DPP8: variants seen among roughly 807,000 people sequenced by gnomAD.
DPP8 encodes DPP VIII.
DPP8 carries 31 observed loss-of-function variants against 107.5 expected under a neutral mutation model. The observed-to-expected ratio is 0.29, with a 90% CI of 0.22 to 0.39. The LOEUF (loss-of-function observed/expected upper bound fraction) is 0.39. Ranked by LOEUF, DPP8 falls within the 10% of genes least tolerant of loss-of-function variation. The pLI is 1.00. For synonymous variants in DPP8, 381 were observed against 356.6 expected, an observed-to-expected ratio of 1.07 and a Z score of -0.77; for missense variants, 842 against 1,076.1, an observed-to-expected ratio of 0.78 and a Z score of 3.04.
At chr15:65,485,197 C>G in intron 7 of DPP8, 37 bp from the exon 8 acceptor site, 1 of 1,442,704 alleles carries the variant, frequency 6.9e-7, no homozygotes, top group Non-Finnish European at 9.8e-7. Context: ...AATGTTTATC[C>G]AAAATTACTC....
intron 12 of DPP8, among the ~76,000 whole-genome samples, chr15:65,472,565 G>T (rs561522499): frequency 6.6e-6 from 1 of 152,148 alleles, no homozygotes; most frequent in African/African-American, 2.4e-5. Context: ...CTCCCAAAGG[G>T]CTGGATTACA....
At chr15:65,509,023 C>T (rs148411656) in intron 2 of DPP8, among the ~76,000 whole-genome samples, 232 of 152,244 alleles carry the variant, frequency 1.5e-3, no homozygotes, top group African/African-American at 5.4e-3. Context: ...ATGATAACTC[C>T]CATGCTAACC....
chr15:65,499,798 T>G (rs187395955), intron 4 of DPP8, among the ~76,000 whole-genome samples: 17 of 152,212 alleles, frequency 1.1e-4, no homozygotes, highest in Admixed American at 4.6e-4. Flanking sequence ...ACTCCTAGGC[T>G]CAAATGATCT....
chr15:65,501,173 G>A (rs2069197734), intron 3 of DPP8, among the ~76,000 whole-genome samples: 1 of 151,944 alleles, frequency 6.6e-6, no homozygotes, highest in Non-Finnish European at 1.5e-5. Context: ...CACCGCGCCT[G>A]GCGACTCTAC....
At chr15:65,503,551 C>T (rs2069514253) in intron 3 of DPP8, among the ~76,000 whole-genome samples, 1 of 152,066 alleles carries the variant, frequency 6.6e-6, no homozygotes, top group Non-Finnish European at 1.5e-5. Context: ...TGCGATTCTC[C>T]TGCCTCAGCC....
At chr15:65,456,763 C>T (rs1480765786) in intron 15 of DPP8, among the ~76,000 whole-genome samples, 5 of 152,294 alleles carry the variant, frequency 3.3e-5, no homozygotes, top group Non-Finnish European at 7.3e-5. Flanking sequence ...TGCTGCTTGG[C>T]TTCCTCCACT....
intron 3 of DPP8, among the ~76,000 whole-genome samples, chr15:65,501,945 C>T (rs536396266): frequency 1.3e-4 from 20 of 152,244 alleles, no homozygotes; most frequent in African/African-American, 4.8e-4. Context: ...GCTGGAGTGC[C>T]GTGGCGTGAT....
intron 5 of DPP8, among the ~76,000 whole-genome samples, chr15:65,494,140 T>G (rs2068324619): frequency 2.2e-5 from 2 of 92,300 alleles, no homozygotes; most frequent in Non-Finnish European, 4.4e-5. Context: ...TTCAAACCGG[T>G]TCTATATCCT....
intron 3 of DPP8, among the ~76,000 whole-genome samples, chr15:65,502,349 TC>T (rs1362092096): frequency 6.6e-6 from 1 of 151,960 alleles, no homozygotes; most frequent in African/African-American, 2.4e-5. Flanking sequence ...GATTTTCTTT[TC>T]CTACTTAAAA....
At chr15:65,492,570 G>A (rs1318321863) in intron 5 of DPP8, among the ~76,000 whole-genome samples, 2 of 151,970 alleles carry the variant, frequency 1.3e-5, no homozygotes, top group Non-Finnish European at 2.9e-5. Flanking sequence ...AGTCTAGTAG[G>A]CATTACATAT....
At chr15:65,510,064 G>A (rs1362701479) in intron 2 of DPP8, among the ~76,000 whole-genome samples, 1 of 151,942 alleles carries the variant, frequency 6.6e-6, no homozygotes, top group African/African-American at 2.4e-5. Flanking sequence ...AGTGGCTCAC[G>A]CCTGTAATCC....
rs755235936 is a variant in DPP8, at chr15:65,466,682, T to C, written c.1821A>G (p.Ser607=). The C allele has an allele frequency of 3.1e-6, 5 of 1,613,912 alleles. No individual in the cohort carries two copies. The African/African-American group carries it at 6.7e-5, about 22-fold the overall frequency. ...ATCAGGGGGAAAAAAGAATACCTGC[T>C]GAATCCAAAATGGTGGCCCAAAATT... ...TKEFWATILD[S]AGPLPDYTPP... Residue 607 remains serine, a synonymous_variant, in exon 14 of 20, where the codon TCA becomes TCG. Transcript: ENST00000300141.
At chr15:65,478,200 A>G (rs1275200464) in intron 11 of DPP8, among the ~76,000 whole-genome samples, 2 of 151,786 alleles carry the variant, frequency 1.3e-5, no homozygotes, top group African/African-American at 4.8e-5. Context: ...TGCAGATAGT[A>G]TAAGAAACAT....
intron 17 of DPP8, among the ~76,000 whole-genome samples, chr15:65,452,595 G>A (rs2064068931): frequency 6.6e-6 from 1 of 151,860 alleles, no homozygotes; most frequent in Middle Eastern, 3.2e-3. Context: ...TTATGGAAGT[G>A]GTCAGAATTT....
chr15:65,496,816 A>ATTT (rs1185461247), intron 5 of DPP8, among the ~76,000 whole-genome samples: 1 of 138,882 alleles, frequency 7.2e-6, no homozygotes, highest in Non-Finnish European at 1.6e-5. Context: ...ACATCCAGCT[A>ATTT]TTTTTTTTTT....
chr15:65,486,388 C>T (rs1207716768), intron 7 of DPP8, among the ~76,000 whole-genome samples: 2 of 133,842 alleles, frequency 1.5e-5, no homozygotes, highest in East Asian at 4.4e-4. Context: ...GGTGACAGAG[C>T]AAAAAAAAAA....
In DPP8 at chr15:65,500,747, T is replaced by G; in HGVS notation, c.405A>C (p.Glu135Asp). 6.2e-7 allele frequency: 1 copy of G among 1,614,102 alleles called. No individual in the cohort carries two copies. The highest frequency in any genetic ancestry group is 8.5e-7 in the Non-Finnish European group (1 of 1,179,994). Residue 135 changes from glutamate to aspartate, a missense_variant, in exon 4 of 20, where the codon GAA (glutamate) becomes GAC (aspartate). Coordinates refer to ENST00000300141, the MANE Select transcript of DPP8 (RefSeq NM_130434.5). ...ATLDYGMYSR[E>D]EELLRERKRI... ...GTTTTCTTTCTCTTAATAGTTCTTC[T>G]TCTCGAGAATACATTCCATAGTCCA...
rs2067333804 is a variant in DPP8, at chr15:65,485,553, A to AG, written c.956-394_956-393insC. Among the ~76,000 whole-genome samples, 4 of 151,330 alleles carry AG rather than the reference A, an allele frequency of 2.6e-5. No individual in the cohort carries two copies. In the South Asian group the frequency reaches 8.3e-4, roughly 32 times the overall value. ...GAGCGAGACTCCATCTCAAAAAAAA[A>AG]AAAAAAAAAAAGAAAAGAAAGAAAG... On this transcript the variant is annotated intron_variant, in intron 7 of 19. Coordinates refer to ENST00000300141, the MANE Select transcript of DPP8 (RefSeq NM_130434.5).
rs2065985841 is a variant in DPP8, at chr15:65,472,574, CA to C, written c.1536+1634del. ...CTTCATCTCCCAAAGGGCTGGATTA[CA>C]GATGTGAGCCACTGTGCCCAGCCAG... On this transcript the variant is annotated intron_variant, in intron 12 of 19. Transcript: ENST00000300141. 2.0e-5 allele frequency among the ~76,000 whole-genome samples: 3 copies of C among 152,230 alleles called. No homozygotes were observed. The South Asian group carries it at 6.2e-4, about 32-fold the overall frequency.
Sources: allele counts gnomAD v4.1 joint callset (sites outside exome capture counted in the v4.1 genomes callset), GRCh38; gene constraint gnomAD v4.1.1; transcripts MANE v1.5; gene names NCBI Gene and HGNC (gene_info 2026-07-23, HGNC 2026-07-21).